Variants in ZNF521 observed in about 807,000 individuals in gnomAD.
ZNF521 encodes zinc finger protein 521.
In ZNF521, 14 loss-of-function variants were observed where a neutral mutation model predicts 105.5. The ratio of observed to expected loss-of-function variants is 0.13; its 90% CI spans 0.09 to 0.21. ZNF521 has a LOEUF of 0.21. Among genes scored for constraint, ZNF521 ranks in the 10% least tolerant of loss-of-function variants. ZNF521 has a pLI of 1.00. For synonymous variants in ZNF521, 635 were observed against 606.0 expected (o/e 1.05, Z -0.70); for missense variants, 1,233 against 1,629.7 (o/e 0.76, Z 4.19).
At chr18:25,152,613 A>T (rs1025330086) in intron 5 of ZNF521, among the ~76,000 whole-genome samples, 2 of 152,150 alleles carry the variant, frequency 1.3e-5, no homozygotes, top group African/African-American at 4.8e-5. Flanking sequence ...ACATTTTTTT[A>T]AAAGTTTTAC....
intron 5 of ZNF521, among the ~76,000 whole-genome samples, chr18:25,116,301 A>G (rs45506296): frequency 1.2e-4 from 18 of 152,156 alleles, no homozygotes; most frequent in Non-Finnish European, 1.6e-4. Flanking sequence ...GTGGGTTAGA[A>G]TGAGAAAGTG....
chr18:25,117,833 A>C (rs2034359233), intron 5 of ZNF521, among the ~76,000 whole-genome samples: 1 of 152,078 alleles, frequency 6.6e-6, no homozygotes, highest in Non-Finnish European at 1.5e-5. Flanking sequence ...AGTTTAAAAA[A>C]TAATGGCAAA....
rs1421532956 is a variant in ZNF521, at chr18:25,092,028, C to T, written c.3712G>A (p.Ala1238Thr). 1 of 1,613,892 alleles carries T rather than the reference C, an allele frequency of 6.2e-7. No individual in the cohort carries two copies. Among genetic ancestry groups the T allele is most frequent in the Non-Finnish European group, 8.5e-7 (1 of 1,179,920 alleles). Residue 1238 changes from alanine to threonine, a missense_variant, in exon 6 of 8, where the codon GCC becomes ACC. This residue lies in a region of ZNF521 where 76 missense variants were observed against 137.2 expected (regional missense o/e 0.55). Coordinates refer to ENST00000361524, the MANE Select transcript of ZNF521 (RefSeq NM_015461.3). Reference protein sequence around the residue: ...KLCSQTFDSPAKLQCHLIEHS... With the variant: ...KLCSQTFDSPTKLQCHLIEHS... The stretch of plus-strand genomic sequence containing the variant: ...TCTATCAGGTGGCACTGGAGTTTGG[C>T]AGGAGAGTCAAAGGTCTGGCTGCAG...
chr18:25,160,632 G>T (rs1252760807), intron 5 of ZNF521, among the ~76,000 whole-genome samples: 1 of 152,158 alleles, frequency 6.6e-6, no homozygotes, highest in Non-Finnish European at 1.5e-5. Flanking sequence ...TCGCGCATAT[G>T]TGTTCTCTAG....
At chr18:25,252,976 AG>A (rs1568036450) in intron 3 of ZNF521, among the ~76,000 whole-genome samples, 1 of 152,152 alleles carries the variant, frequency 6.6e-6, no homozygotes, top group African/African-American at 2.4e-5. Flanking sequence ...CTTATCCATA[AG>A]GCAAACCAAC....
chr18:25,146,599 A>G (rs1234127663), intron 5 of ZNF521, among the ~76,000 whole-genome samples: 2 of 152,200 alleles, frequency 1.3e-5, no homozygotes, highest in Admixed American at 1.3e-4. Context: ...TTATTAGAAA[A>G]ACTGTTTTTC....
chr18:25,316,881 T>C (rs1912659853), intron 3 of ZNF521, among the ~76,000 whole-genome samples: 1 of 147,730 alleles, frequency 6.8e-6, no homozygotes, highest in African/African-American at 2.5e-5. Context: ...TGAGACAGAG[T>C]TTCACTCTTG....
intron 3 of ZNF521, among the ~76,000 whole-genome samples, chr18:25,251,685 A>G (rs1031150646): frequency 3.3e-5 from 5 of 152,206 alleles, no homozygotes; most frequent in Non-Finnish European, 7.3e-5. Flanking sequence ...AGTATGCACC[A>G]CTACATTCAG....
chr18:25,295,610 A>T (rs1381006435), intron 3 of ZNF521, among the ~76,000 whole-genome samples: 2 of 125,658 alleles, frequency 1.6e-5, no homozygotes, highest in Non-Finnish European at 3.6e-5. Flanking sequence ...ATGTACCCAA[A>T]AAAGTAAAAA....
chr18:25,284,937 G>A (rs1459670079), intron 3 of ZNF521, among the ~76,000 whole-genome samples: 4 of 145,564 alleles, frequency 2.7e-5, no homozygotes, highest in African/African-American at 7.7e-5. Context: ...CACACACAGG[G>A]AGGCATCAGG....
At chr18:25,299,114 T>C (rs1797405795) in intron 3 of ZNF521, among the ~76,000 whole-genome samples, 1 of 152,208 alleles carries the variant, frequency 6.6e-6, no homozygotes, top group Non-Finnish European at 1.5e-5. Flanking sequence ...TGTCCCCATG[T>C]ATAAACATCT....
chr18:25,229,438 C>G (rs141590934), intron 3 of ZNF521, among the ~76,000 whole-genome samples: 487 of 152,196 alleles, frequency 3.2e-3, no homozygotes, highest in African/African-American at 0.011. Context: ...CAACATGTTT[C>G]CAGCATAAGA....
chr18:25,137,995 A>G (rs2034769155), intron 5 of ZNF521, among the ~76,000 whole-genome samples: 1 of 152,102 alleles, frequency 6.6e-6, no homozygotes, highest in Non-Finnish European at 1.5e-5. Context: ...CAAGCAATCA[A>G]TTTCTCAGGT....
chr18:25,076,282 T>G (rs576589440), intron 7 of ZNF521, among the ~76,000 whole-genome samples: 23 of 152,316 alleles, frequency 1.5e-4, no homozygotes, highest in African/African-American at 5.3e-4. Flanking sequence ...AAAGACTGTT[T>G]ATCCCAGTTG....
At chr18:25,255,860 T>C (rs1421882493) in intron 3 of ZNF521, among the ~76,000 whole-genome samples, 1 of 151,692 alleles carries the variant, frequency 6.6e-6, no homozygotes, top group Non-Finnish European at 1.5e-5. Context: ...TGCAGCATAA[T>C]TCAGAAGAAC....
intron 5 of ZNF521, among the ~76,000 whole-genome samples, chr18:25,169,632 G>T (rs1473428641): frequency 6.6e-6 from 1 of 152,046 alleles, no homozygotes; most frequent in Non-Finnish European, 1.5e-5. Flanking sequence ...ATCTAAGATG[G>T]TAAAATCGGT....
At chr18:25,102,732 A>G (rs1364699522) in intron 5 of ZNF521, among the ~76,000 whole-genome samples, 1 of 152,114 alleles carries the variant, frequency 6.6e-6, no homozygotes, top group African/African-American at 2.4e-5. Flanking sequence ...CCTTATGGTC[A>G]TGGCCAGCAC....
At position 25,226,311 on chromosome 18, in the gene ZNF521, T is replaced by C. The variant is rs1177813839; in HGVS notation, c.1607A>G (p.His536Arg). The C allele has an allele frequency of 6.2e-7, 1 of 1,614,190 alleles. No homozygotes were observed. The highest frequency in any genetic ancestry group is 1.7e-5 in the Admixed American group (1 of 60,028). The stretch of plus-strand genomic sequence containing the variant: ...AAATCGGGAGCCACTGAGGTCACAA[T>C]GAACCTGTCTAATATGCTCTTCCAG... ...SSLEEHIRQV[H>R]CDLSGSRFGS... Residue 536 changes from histidine (H) to arginine (R), a missense_variant, in exon 4 of 8, where the codon CAT becomes CGT. Physicochemically the swap from His to Arg is conservative, Grantham distance 29. Coordinates refer to ENST00000361524, the MANE Select transcript of ZNF521 (RefSeq NM_015461.3). This position sits in a 1 kb window ranked among gnomAD's most constrained non-coding sequence, Gnocchi z 4.1.
In ZNF521 at chr18:25,235,204, C is replaced by T. The variant is rs189252943; in HGVS notation, c.221-7507G>A. Reference sequence around the variant, plus strand: ...CACCACTCTATAAGTGACTATTTGGCTTAGTTAGAAAGTCCTTGAGGCCAA... The same window carrying T: ...CACCACTCTATAAGTGACTATTTGGTTTAGTTAGAAAGTCCTTGAGGCCAA... On this transcript the variant is annotated intron_variant, in intron 3 of 7. Coordinates refer to ENST00000361524, the MANE Select transcript of ZNF521 (RefSeq NM_015461.3). Among the ~76,000 whole-genome samples, 195 of 152,292 alleles carry T rather than the reference C, an allele frequency of 1.3e-3. 1 individual carries two copies. The highest frequency in any genetic ancestry group is 4.6e-3 in the African/African-American group (192 of 41,564).
Sources: allele counts gnomAD v4.1 joint callset (sites outside exome capture counted in the v4.1 genomes callset), GRCh38; gene constraint gnomAD v4.1.1; regional missense constraint gnomAD v4.1.1; non-coding constraint Gnocchi (gnomAD v3.1); transcripts MANE v1.5; gene names NCBI Gene and HGNC (gene_info 2026-07-23, HGNC 2026-07-21).